The following TAOK3 variants were observed in gnomAD, a reference collection of about 807,000 sequenced individuals.
TAOK3 encodes the protein serine/threonine-protein kinase TAO3.
Under a neutral mutation model 120.4 loss-of-function variants are expected in TAOK3, and 40 were observed. That is an observed-to-expected ratio of 0.33 (90% CI 0.26 to 0.43). TAOK3 has a LOEUF of 0.43. TAOK3 is among the 20% of genes least tolerant of loss of function. The pLI is 1.00. For missense variants in TAOK3, 821 were observed against 1,112.1 expected (o/e 0.74, Z 3.72); for synonymous variants, 355 against 387.5 (o/e 0.92, Z 0.99).
At chr12:118,334,137 C>CAA (rs57605394) in intron 1 of TAOK3, among the ~76,000 whole-genome samples, 10 of 77,632 alleles carry the variant, frequency 1.3e-4, no homozygotes, top group South Asian at 7.8e-4. Flanking sequence ...CTCCCATCTC[C>CAA]AAAAAAAAAA....
chr12:118,241,233 AAAAC>A (rs138911746), intron 5 of TAOK3, among the ~76,000 whole-genome samples: 8,162 of 151,784 alleles, frequency 0.054, 446 homozygotes, highest in East Asian at 0.25. Flanking sequence ...CTTGACATTA[AAAAC>A]AAACAGATTC....
intron 1 of TAOK3, among the ~76,000 whole-genome samples, chr12:118,328,992 A>G (rs1566125409): frequency 1.3e-5 from 2 of 152,242 alleles, no homozygotes; most frequent in African/African-American, 2.4e-5. Context: ...CCTCAAAGAG[A>G]TTGCATCTAG....
At chr12:118,234,550 TTTG>T (rs892361028) in intron 8 of TAOK3, among the ~76,000 whole-genome samples, 26 of 152,208 alleles carry the variant, frequency 1.7e-4, no homozygotes, top group African/African-American at 6.0e-4. Context: ...GGAGTCTTTT[TTTG>T]TTGTTGTTGT....
Position 118,246,457 on chromosome 12 carries a change from A to G in TAOK3, c.121-1492T>C, listed in dbSNP as rs2040508875. On this transcript the variant is annotated intron_variant, in intron 3 of 20. Coordinates refer to ENST00000392533, the MANE Select transcript of TAOK3 (RefSeq NM_016281.4). ...CGTGCCAGCCAGCGCACCAGGTTCA[A>G]GGCGTTTGTTGCTATCGGGGACTAC... 5 of 1,496,672 alleles carry G rather than the reference A, an allele frequency of 3.3e-6. No individual in the cohort carries two copies. The South Asian group carries it at 4.7e-5, about 14-fold the overall frequency. The allele number at this position is 1,496,672 out of a possible 1,614,324, so 92.7% of individuals were successfully genotyped here.
At chr12:118,277,466 T>A (rs1307440395) in intron 1 of TAOK3, among the ~76,000 whole-genome samples, 2 of 145,046 alleles carry the variant, frequency 1.4e-5, no homozygotes, top group East Asian at 4.0e-4. Context: ...CCACCATGTA[T>A]TTTTTTTTTT....
chr12:118,367,774 T>A (rs1405881133), intron 1 of TAOK3, among the ~76,000 whole-genome samples: 1 of 151,990 alleles, frequency 6.6e-6, no homozygotes, highest in Non-Finnish European at 1.5e-5. Flanking sequence ...CTTCTATTTT[T>A]TTTTGGCGGG....
At position 118,238,155 on chromosome 12, in the gene TAOK3, G is replaced by T; in HGVS notation, c.355C>A (p.Leu119Ile). 6.2e-7 allele frequency: 1 copy of T among 1,610,100 alleles called. No homozygotes were observed. ...ATGGCAGCGATCTCCACTTCCTGAA[G>T]TGGTTTTTTATGAACTGAGGAAGGA... ...SDLLEVHKKPLQEVEIAAITH... is the reference protein window; with the variant it reads ...SDLLEVHKKPIQEVEIAAITH... The change falls in exon 7 of 21, where the codon CTT becomes ATT. Residue 119 changes from leucine (L) to isoleucine (I), a missense_variant. Leu to Ile is a conservative substitution (Grantham distance 5). Transcript: ENST00000392533.
chr12:118,195,272 G>A (rs2037658151), intron 13 of TAOK3, among the ~76,000 whole-genome samples: 1 of 152,050 alleles, frequency 6.6e-6, no homozygotes, highest in African/African-American at 2.4e-5. Context: ...GCAGCAACAG[G>A]CAAAGGGAAT....
chr12:118,300,878 C>T lies in TAOK3; in HGVS notation c.-193-34119G>A, dbSNP rs150065580. On this transcript the variant is annotated intron_variant, in intron 1 of 20. Coordinates refer to ENST00000392533, the MANE Select transcript of TAOK3 (RefSeq NM_016281.4). The stretch of plus-strand genomic sequence containing the variant: ...ACCACCTCTGCCTCCTGGGTTCAAG[C>T]GATTCTCCTGCCTCAGACTCTCAAG... Among the ~76,000 whole-genome samples, 49 of 152,156 alleles carry T rather than the reference C, an allele frequency of 3.2e-4. No individual in the cohort carries two copies. In the East Asian group the frequency reaches 8.3e-3, roughly 26 times the overall value.
At chr12:118,182,359 T>C (rs559106015) in intron 14 of TAOK3, among the ~76,000 whole-genome samples, 1 of 151,972 alleles carries the variant, frequency 6.6e-6, no homozygotes, top group South Asian at 2.1e-4. Context: ...TGCACCAAGA[T>C]TTCTCACCAA....
At chr12:118,286,180 T>A (rs2042260170) in intron 1 of TAOK3, among the ~76,000 whole-genome samples, 1 of 152,176 alleles carries the variant, frequency 6.6e-6, no homozygotes, top group South Asian at 2.1e-4. Context: ...AATCCGAATT[T>A]TAGATTTAGA....
intron 1 of TAOK3, among the ~76,000 whole-genome samples, chr12:118,368,525 G>A (rs558568772): frequency 2.1e-5 from 3 of 145,798 alleles, no homozygotes; most frequent in Admixed American, 6.8e-5. Flanking sequence ...CAGAAAATAG[G>A]CCGGGAGCGG....
chr12:118,182,623 A>ATATATATTT (rs371125415), intron 14 of TAOK3, among the ~76,000 whole-genome samples: 1 of 92,416 alleles, frequency 1.1e-5, no homozygotes, highest in African/African-American at 4.9e-5. Context: ...ATATATATAT[A>ATATATATTT]TTTTTTTTTT....
At chr12:118,162,204 T>C (rs544531908) in intron 17 of TAOK3, among the ~76,000 whole-genome samples, 177 bp from the exon 18 acceptor site, 1 of 152,324 alleles carries the variant, frequency 6.6e-6, no homozygotes, top group Admixed American at 6.5e-5. Flanking sequence ...CAGGTTTAGG[T>C]TCTGTTCCTG....
intron 1 of TAOK3, among the ~76,000 whole-genome samples, chr12:118,339,275 CTTTTT>C (rs72009582): frequency 2.1e-4 from 18 of 86,912 alleles, no homozygotes; most frequent in African/African-American, 6.0e-4. Context: ...CTTCATCATA[CTTTTT>C]TTTTTTTTTT....
chr12:118,282,954 C>A (rs1019880788), intron 1 of TAOK3, among the ~76,000 whole-genome samples: 1 of 152,178 alleles, frequency 6.6e-6, no homozygotes, highest in Non-Finnish European at 1.5e-5. Context: ...AAGCAATAGG[C>A]AACCACACTA....
At chr12:118,288,164 G>T (rs2042331107) in intron 1 of TAOK3, among the ~76,000 whole-genome samples, 1 of 151,582 alleles carries the variant, frequency 6.6e-6, no homozygotes. Context: ...AGTATTATCA[G>T]ATTTAGAGAC....
At chr12:118,319,475 C>T (rs2043610628) in intron 1 of TAOK3, among the ~76,000 whole-genome samples, 1 of 151,804 alleles carries the variant, frequency 6.6e-6, no homozygotes, top group Non-Finnish European at 1.5e-5. Flanking sequence ...ACTGCTATAA[C>T]TTAACAACAA....
intron 11 of TAOK3, among the ~76,000 whole-genome samples, chr12:118,206,281 T>G (rs1055300163): frequency 1.5e-4 from 23 of 152,256 alleles, no homozygotes; most frequent in Admixed American, 1.3e-3. Context: ...AGCTTTGGAC[T>G]GCTTACGCCA....
Sources: allele counts gnomAD v4.1 joint callset (sites outside exome capture counted in the v4.1 genomes callset), GRCh38; gene constraint gnomAD v4.1.1; transcripts MANE v1.5; gene names NCBI Gene and HGNC (gene_info 2026-07-23, HGNC 2026-07-21).